The following ZAN variants were observed in gnomAD, a reference collection of about 807,000 sequenced individuals.
ZAN encodes zonadhesin (gene/pseudogene).
In ZAN, 260 loss-of-function variants were observed where a neutral mutation model predicts 286.2. The ratio of observed to expected loss-of-function variants is 0.91; its 90% CI spans 0.82 to 1.01. The LOEUF (loss-of-function observed/expected upper bound fraction) is 1.01. Among genes scored for constraint, ZAN ranks in the 50% least tolerant of loss-of-function variants. The probability of loss-of-function intolerance (pLI) is 0.00; values close to 1 mark genes in which losing one functional copy is unlikely to be tolerated. For synonymous variants in ZAN, 1,368 were observed against 1,417.5 expected (o/e 0.97, Z 0.79); for missense variants, 3,410 against 3,639.2 (o/e 0.94, Z 1.62).
Position 100,755,312 on chromosome 7 carries a change from C to G in ZAN, c.3211C>G (p.Arg1071Gly), listed in dbSNP as rs773386504. The change falls in exon 15 of 48, where the codon CGG becomes GGG. Residue 1071 changes from arginine (R) to glycine (G), a missense_variant. By Grantham distance (125) the Arg-to-Gly change is moderately radical. This residue lies in a region of ZAN where 1,042 missense variants were observed against 1,058.0 expected (regional missense o/e 0.98). Transcript: ENST00000613979. ...SPRPSCGPLC[R>G]EGCVCNPGFL... ...CAGGCCTAGCTGTGGGCCCCTCTGT[C>G]GGGAGGGCTGTGTCTGCAACCCTGG... is the stretch of plus-strand genomic sequence containing the variant. The G allele has an allele frequency of 6.2e-7, 1 of 1,613,732 alleles. No individual in the cohort carries two copies. Among genetic ancestry groups the G allele is most frequent in the African/African-American group, 1.3e-5 (1 of 74,918 alleles).
intron 37 of ZAN, 48 bp from the exon 38 acceptor site, chr7:100,787,841 C>G (rs778548732): frequency 6.9e-7 from 1 of 1,442,710 alleles, no homozygotes; most frequent in Non-Finnish European, 9.2e-7. Flanking sequence ...GGATTACAGG[C>G]GTGAGCCACT....
intron 28 of ZAN, among the ~76,000 whole-genome samples, chr7:100,771,437 GT>G (rs112916908): frequency 8.4e-4 from 118 of 139,904 alleles, no homozygotes; most frequent in African/African-American, 1.5e-3. Context: ...TTTTTTTTTT[GT>G]TTTTTTTTTT....
intron 22 of ZAN, 34 bp from the exon 23 acceptor site, chr7:100,765,318 G>C: frequency 1.2e-6 from 2 of 1,607,114 alleles, no homozygotes; most frequent in Non-Finnish European, 1.7e-6. Flanking sequence ...TGGCTTGTTC[G>C]TCTCCTTCTC....
At chr7:100,755,696 C>A (rs2115892050) in intron 15 of ZAN, among the ~76,000 whole-genome samples, 1 of 152,214 alleles carries the variant, frequency 6.6e-6, no homozygotes, top group African/African-American at 2.4e-5. Context: ...CTCAGCCTCC[C>A]AAGTAGCTGG....
chr7:100,772,156 C>A lies in ZAN; in HGVS notation c.5425+136C>A, dbSNP rs948404068. 45 of 1,130,300 alleles carry A rather than the reference C, an allele frequency of 4.0e-5. No homozygotes were observed. The Admixed American group carries it at 4.2e-4, about 10-fold the overall frequency. 70.0% of individuals were successfully genotyped at this position (1,130,300 alleles called of 1,614,324 possible). A position where few individuals can be genotyped will look rare whatever the true frequency, so the allele number is the denominator to read the frequency against. On this transcript the variant is annotated intron_variant, in intron 29 of 47. Coordinates refer to ENST00000613979, the MANE Select transcript of ZAN (RefSeq NM_003386.3). ...TTGCCCAGGCTGGAGTGCAGTGGCG[C>A]AATCTCGGCTCACTGCAACCTCTAC... is the stretch of plus-strand genomic sequence containing the variant.
chr7:100,774,920 TTTTG>T (rs35120086), intron 31 of ZAN, among the ~76,000 whole-genome samples: 30 of 120,686 alleles, frequency 2.5e-4, no homozygotes, highest in South Asian at 1.1e-3. Flanking sequence ...CCCTGGGGTT[TTTTG>T]TTTGTTTGTT....
chr7:100,752,111 C>T lies in ZAN; in HGVS notation c.2006C>T (p.Thr669Ile). Residue 669 changes from threonine to isoleucine, a missense_variant, in exon 14 of 48, where the codon ACC (threonine) becomes ATC (isoleucine). Coordinates refer to ENST00000613979, the MANE Select transcript of ZAN (RefSeq NM_003386.3). ...CCCACCACCCCCACTGAGGAGACCA[C>T]CACCTCCATGGAAGAGCCTGTCATC... ...EEPTTPTEET[T>I]TSMEEPVIPT... 6.2e-7 allele frequency: 1 copy of T among 1,612,014 alleles called. No individual in the cohort carries two copies.
In ZAN at chr7:100,772,822, GAAA is replaced by G. The variant is rs112294123; in HGVS notation, c.5426-455_5426-453del. 1.2e-4 allele frequency among the ~76,000 whole-genome samples: 17 copies of G among 145,878 alleles called. No homozygotes were observed. In the South Asian group the frequency reaches 1.3e-3, roughly 11 times the overall value. ...GGCGACAGAGCGAGACTGTCTACAA[GAAA>G]AAAAAAATTGTTAAAATTGTAGATT... On this transcript the variant is annotated intron_variant, in intron 29 of 47. Transcript: ENST00000613979.
Position 100,767,980 on chromosome 7 carries a change from C to A in ZAN, c.5010C>A (p.Ser1670=), listed in dbSNP as rs371372562. Residue 1670 remains serine, a synonymous_variant, in exon 26 of 48, where the codon TCC becomes TCA. Transcript: ENST00000613979. ...GSHLVEVTVP[S]SYGGQLCGLC... is the part of the protein sequence containing the mutation. ...ACTTGGTGGAAGTGACAGTCCCCTC[C>A]TCCTATGGCGGCCAGCTCTGTGGGC... The A allele has an allele frequency of 6.2e-7, 1 of 1,613,724 alleles. No homozygotes were observed. The highest frequency in any genetic ancestry group is 2.2e-5 in the East Asian group (1 of 44,888).
At chr7:100,795,394 A>C in intron 45 of ZAN, 58 bp downstream of exon 45, 1 of 1,443,286 alleles carries the variant, frequency 6.9e-7, no homozygotes, top group Non-Finnish European at 9.1e-7. Context: ...CGACAACCAC[A>C]GAATGATTCT....
chr7:100,768,508 G>C (rs1485451174), intron 26 of ZAN, 102 bp from the exon 27 acceptor site: 3 of 945,726 alleles, frequency 3.2e-6, no homozygotes, highest in Non-Finnish European at 4.7e-6. Flanking sequence ...GGTTAACCTT[G>C]CTATGTAGAA....
chr7:100,792,033 G>A lies in ZAN; in HGVS notation c.7597G>A (p.Glu2533Lys), dbSNP rs377470555. The A allele has an allele frequency of 2.3e-5, 37 of 1,613,202 alleles. No individual in the cohort carries two copies. Among genetic ancestry groups the A allele is most frequent in the African/African-American group, 1.6e-4 (12 of 74,936 alleles). Residue 2533 changes from glutamate (E) to lysine (K), a missense_variant, in exon 41 of 48, where the codon GAA becomes AAA. This residue lies in a region of ZAN where 1,289 missense variants were observed against 1,314.3 expected (regional missense o/e 0.98). Transcript: ENST00000613979. ...LGLRTGLQVS[E>K]CSPEQLASNS... ...CCTCCGCACGGGCCTCCAAGTGTCC[G>A]AATGTAGCCCGGAGCAGCTGGCGAG...
rs371443575 is a variant in ZAN at position 100,779,484 on chromosome 7, C to A, written c.6356C>A (p.Ala2119Glu). The change falls in exon 35 of 48, where the codon GCG becomes GAG. Residue 2119 changes from alanine to glutamate, a missense_variant. Transcript: ENST00000613979. ...CTGGTAGATGAGCAGCAGATTCCAG[C>A]GGAACAGCAGGAGAACCCGAGTGGA... Reference protein sequence around the residue: ...SLLVDEQQIPAEQQENPSGNC... With the variant: ...SLLVDEQQIPEEQQENPSGNC... 4 of 1,610,810 alleles carry A rather than the reference C, an allele frequency of 2.5e-6. No individual in the cohort carries two copies. Among genetic ancestry groups the A allele is most frequent in the South Asian group, 2.2e-5 (2 of 90,788 alleles).
chr7:100,775,939 A>AAAAAAAAAAC, intron 33 of ZAN, 106 bp downstream of exon 33: 1 of 1,431,272 alleles, frequency 7.0e-7, no homozygotes, highest in Non-Finnish European at 9.5e-7. Context: ...CAAAGAGGCC[A>AAAAAAAAAAC]CTCCTCAGGA....
Position 100,745,452 on chromosome 7 carries a change from G to A in ZAN, c.767-1086G>A, listed in dbSNP as rs573364131. 2.6e-5 allele frequency among the ~76,000 whole-genome samples: 4 copies of A among 151,820 alleles called. No individual in the cohort carries two copies. The East Asian group carries it at 5.8e-4, about 22-fold the overall frequency. ...TTCGCTACCAGTTGCGTCACCTAGCGAGGTCCACGCTGATTGGCTGTCTGA... is the reference window on the plus strand; with the variant it reads ...TTCGCTACCAGTTGCGTCACCTAGCAAGGTCCACGCTGATTGGCTGTCTGA... On this transcript the variant is annotated intron_variant, in intron 7 of 47. Transcript: ENST00000613979.
chr7:100,764,866 G>A (rs943368035), intron 22 of ZAN, among the ~76,000 whole-genome samples: 1 of 151,942 alleles, frequency 6.6e-6, no homozygotes, highest in African/African-American at 2.4e-5. Context: ...CAGTGAGAGC[G>A]AAACTCTGTC....
At position 100,779,579 on chromosome 7, in the gene ZAN, GCCCAGTGCGCCT is replaced by G. The variant is rs772292922; in HGVS notation, c.6455_6466del (p.Gln2152_Ser2155del). ...GGCAGCGCTCCGGGCTCCTGTGTGG[GCCCAGTGCGCCT>G]CCCGCATAGACCTCACGCCCTTCCT... is the stretch of plus-strand genomic sequence containing the variant. On this transcript the variant is annotated inframe_deletion, in exon 35 of 48. Coordinates refer to ENST00000613979, the MANE Select transcript of ZAN (RefSeq NM_003386.3). 8 of 1,609,684 alleles carry G rather than the reference GCCCAGTGCGCCT, an allele frequency of 5.0e-6. No homozygotes were observed. The African/African-American group carries it at 1.1e-4, about 21-fold the overall frequency.
In ZAN at chr7:100,738,535, G is replaced by T; in HGVS notation, c.688G>T (p.Gly230Trp). 1 of 1,507,526 alleles carries T rather than the reference G, an allele frequency of 6.6e-7. No individual in the cohort carries two copies. Among genetic ancestry groups the T allele is most frequent in the South Asian group, 1.2e-5 (1 of 86,754 alleles). 93.4% of individuals were successfully genotyped at this position (1,507,526 alleles called of 1,614,324 possible). Residue 230 changes from glycine (G) to tryptophan (W), a missense_variant, in exon 7 of 48, where the codon GGG becomes TGG. By Grantham distance (184) the Gly-to-Trp change is radical. Around this residue, in one of 7 missense-constraint regions of ZAN, gnomAD observed 872 missense variants for 938.9 expected, o/e 0.93. Transcript: ENST00000613979. Reference protein sequence around the residue: ...CDWTWIPTASGAKWTQKKGSS... With the variant: ...CDWTWIPTASWAKWTQKKGSS... Reference sequence around the variant, plus strand: ...CTGGACCTGGATCCCAACTGCCTCCGGGGCCAAGTGGACTCAGAAGAAAGG... The same window carrying T: ...CTGGACCTGGATCCCAACTGCCTCCTGGGCCAAGTGGACTCAGAAGAAAGG...
chr7:100,776,244 G>A (rs1462420538), intron 33 of ZAN, among the ~76,000 whole-genome samples, 196 bp from the exon 34 acceptor site: 7 of 149,884 alleles, frequency 4.7e-5, no homozygotes, highest in African/African-American at 1.7e-4. Flanking sequence ...CTTGAACCTG[G>A]GAGGCGGATA....
Sources: gnomAD v4.1 joint callset for allele counts (sites outside exome capture counted in the v4.1 genomes callset) on GRCh38, gnomAD v4.1.1 for gene constraint, gnomAD v4.1.1 regional missense constraint, MANE v1.5 for transcripts, NCBI Gene and HGNC (gene_info 2026-07-23, HGNC 2026-07-21) for gene names.